Variants in GRIA3 observed in about 807,000 individuals in gnomAD.
GRIA3 encodes glutamate ionotropic receptor AMPA type subunit 3, also known as glutamate receptor 3.
In GRIA3, 3 loss-of-function variants were observed where a neutral mutation model predicts 63.0. The observed-to-expected ratio is 0.05, with a 90% CI of 0.02 to 0.12. GRIA3 has a LOEUF of 0.12. Ranked by LOEUF, GRIA3 falls within the 10% of genes least tolerant of loss-of-function variation. The pLI is 1.00. For missense variants in GRIA3, 347 were observed against 700.9 expected, an observed-to-expected ratio of 0.50 and a Z score of 5.70; for synonymous variants, 274 against 257.9, an observed-to-expected ratio of 1.06 and a Z score of -0.60.
chrX:123,335,413 A>T (rs1269695719), intron 4 of GRIA3, among the ~76,000 whole-genome samples: 2 of 111,830 alleles, frequency 1.8e-5, no homozygotes, highest in African/African-American at 6.5e-5. Flanking sequence ...GGCTTCTGGT[A>T]ATTGGATTCT....
intron 5 of GRIA3, among the ~76,000 whole-genome samples, chrX:123,379,435 A>G (rs983620788): frequency 2.1e-4 from 23 of 110,444 alleles, no homozygotes; most frequent in African/African-American, 7.6e-4. Context: ...TCTTTAGCCC[A>G]AAACCATCTC....
chrX:123,375,890 A>G (rs1444949233), intron 5 of GRIA3, among the ~76,000 whole-genome samples: 1 of 112,196 alleles, frequency 8.9e-6, no homozygotes, highest in Non-Finnish European at 1.9e-5. Context: ...TATTTTATTT[A>G]TAGAGATTTC....
rs187474562 is a variant in GRIA3 at position 123,277,665 on chromosome X, C to T, written c.508+24123C>T. On this transcript the variant is annotated intron_variant, in intron 3 of 15. Transcript: ENST00000620443. Reference sequence around the variant, plus strand: ...CTCCCCAAAAGTGACAGGAAGGGTTCCAACACTTACAGAGAATACAAAGGT... The same window carrying T: ...CTCCCCAAAAGTGACAGGAAGGGTTTCAACACTTACAGAGAATACAAAGGT... Among the ~76,000 whole-genome samples the T allele has an allele frequency of 9.7e-4, 108 of 111,766 alleles. 1 individual carries two copies. In the Middle Eastern group the frequency reaches 0.027, roughly 28 times the overall value.
At position 123,309,518 on chromosome X, in the gene GRIA3, T is replaced by C. The variant is rs755481916; in HGVS notation, c.509-16508T>C. On this transcript the variant is annotated intron_variant, in intron 3 of 15. Coordinates refer to ENST00000620443, the MANE Select transcript of GRIA3 (RefSeq NM_007325.5). ...GCTAATAAACTTCAAAGAACATTTGTATTTGTTTTGAGGGATGCTCTGTTA... is the reference window on the plus strand; with the variant it reads ...GCTAATAAACTTCAAAGAACATTTGCATTTGTTTTGAGGGATGCTCTGTTA... 1.3e-4 allele frequency among the ~76,000 whole-genome samples: 15 copies of C among 112,464 alleles called. No homozygotes were observed. The South Asian group carries it at 5.6e-3, about 42-fold the overall frequency.
At chrX:123,469,841 T>A (rs778558394) in intron 13 of GRIA3, among the ~76,000 whole-genome samples, 2 of 111,912 alleles carry the variant, frequency 1.8e-5, no homozygotes, top group South Asian at 7.5e-4. Flanking sequence ...CAGCTGCCTG[T>A]CCCCTCAAAA....
rs150689709 is a variant in GRIA3, at chrX:123,321,609, A to G, written c.509-4417A>G. Among the ~76,000 whole-genome samples, 96 of 112,246 alleles carry G rather than the reference A, an allele frequency of 8.6e-4. 1 individual carries two copies. The East Asian group carries it at 0.025, about 29-fold the overall frequency. On this transcript the variant is annotated intron_variant, in intron 3 of 15. Transcript: ENST00000620443. ...TGTGTTCAGCATGGAGCGGGTTTTC[A>G]CTTGTTTATACATTTAACAAAATCC...
intron 3 of GRIA3, among the ~76,000 whole-genome samples, chrX:123,310,393 CT>C (rs1428482232): frequency 8.9e-6 from 1 of 112,974 alleles, no homozygotes; most frequent in African/African-American, 3.2e-5. Context: ...ACTTTGATGA[CT>C]GCTAGTGCCA....
chrX:123,463,131 C>T (rs1271363407), intron 12 of GRIA3, among the ~76,000 whole-genome samples: 1 of 111,413 alleles, frequency 9.0e-6, no homozygotes, highest in African/African-American at 3.3e-5. Flanking sequence ...TGACCTCAAC[C>T]TGAGTTGATG....
intron 3 of GRIA3, among the ~76,000 whole-genome samples, chrX:123,285,433 G>A (rs947342584): frequency 4.6e-5 from 5 of 109,514 alleles, no homozygotes; most frequent in African/African-American, 1.3e-4. Flanking sequence ...GATAAATGCC[G>A]CAATTAAAAG....
intron 3 of GRIA3, among the ~76,000 whole-genome samples, chrX:123,264,210 G>T (rs1176145769): frequency 8.9e-6 from 1 of 112,173 alleles, no homozygotes; most frequent in Non-Finnish European, 1.9e-5. Context: ...GGAGACAGGA[G>T]GAATGCTCAG....
intron 3 of GRIA3, among the ~76,000 whole-genome samples, chrX:123,271,798 G>A (rs904314263): frequency 2.7e-5 from 3 of 112,145 alleles, no homozygotes; most frequent in Admixed American, 9.4e-5. Context: ...GTTCAACATC[G>A]CATTCCTAGT....
chrX:123,253,926 AT>A (rs1490767657), intron 3 of GRIA3, among the ~76,000 whole-genome samples: 1 of 111,822 alleles, frequency 8.9e-6, no homozygotes, highest in Non-Finnish European at 1.9e-5. Context: ...AACTGTAATT[AT>A]CCCCATTTCA....
intron 5 of GRIA3, among the ~76,000 whole-genome samples, chrX:123,377,340 G>A (rs1298725628): frequency 8.9e-6 from 1 of 111,843 alleles, no homozygotes; most frequent in African/African-American, 3.3e-5. Flanking sequence ...TTGTAACTTG[G>A]AGTTTGTATT....
rs191345172 is a variant in GRIA3 at position 123,249,464 on chromosome X, C to T, written c.269-3839C>T. 6.3e-5 allele frequency among the ~76,000 whole-genome samples: 7 copies of T among 111,187 alleles called. No homozygotes were observed. In the Admixed American group the frequency reaches 6.6e-4, roughly 11 times the overall value. On this transcript the variant is annotated intron_variant, in intron 2 of 15. Transcript: ENST00000620443. ...AGGCCTAGGATCTGCTGTGAAAGGC[C>T]CTTCACAGGTCCCCCATGCCCCAGC...
intron 4 of GRIA3, among the ~76,000 whole-genome samples, chrX:123,332,116 G>A (rs902473978): frequency 9.0e-6 from 1 of 111,036 alleles, no homozygotes; most frequent in African/African-American, 3.3e-5. Context: ...TCTGAGAGTT[G>A]GGCTATGCTC....
At chrX:123,299,270 C>A (rs1470781221) in intron 3 of GRIA3, among the ~76,000 whole-genome samples, 1 of 111,237 alleles carries the variant, frequency 9.0e-6, no homozygotes, top group Non-Finnish European at 1.9e-5. Flanking sequence ...TGAAGAAACT[C>A]CATGGTAGTT....
intron 3 of GRIA3, among the ~76,000 whole-genome samples, chrX:123,307,580 C>T (rs1202350516): frequency 1.8e-5 from 2 of 112,158 alleles, no homozygotes; most frequent in East Asian, 5.7e-4. Context: ...ACAGTTCTTC[C>T]TCTGATGACT....
chrX:123,314,405 C>A (rs1344957864), intron 3 of GRIA3, among the ~76,000 whole-genome samples: 2 of 112,151 alleles, frequency 1.8e-5, no homozygotes, highest in Non-Finnish European at 3.8e-5. Flanking sequence ...CATGAAGGAA[C>A]TACACACAAT....
At chrX:123,327,246 T>C (rs1287187574) in intron 4 of GRIA3, among the ~76,000 whole-genome samples, 1 of 111,952 alleles carries the variant, frequency 8.9e-6, no homozygotes, top group East Asian at 2.8e-4. Context: ...ATTATTAAGC[T>C]TGGATATTTA....
Sources: gnomAD v4.1 joint callset for allele counts (sites outside exome capture counted in the v4.1 genomes callset) on GRCh38, gnomAD v4.1.1 for gene constraint, MANE v1.5 for transcripts, NCBI Gene and HGNC (gene_info 2026-07-23, HGNC 2026-07-21) for gene names.